AHCYL1: variants seen among roughly 807,000 people sequenced by gnomAD.
AHCYL1 encodes the protein adenosylhomocysteinase like 1.
A neutral mutation model predicts 79.3 loss-of-function variants in AHCYL1; 20 were observed. That is an observed-to-expected ratio of 0.25 (90% CI 0.18 to 0.37). The LOEUF (loss-of-function observed/expected upper bound fraction) is 0.37, where lower values mean the gene tolerates loss of function less well. Ranked by LOEUF, AHCYL1 falls within the 10% of genes least tolerant of loss-of-function variation. AHCYL1 has a pLI of 1.00. For missense variants in AHCYL1, 330 were observed against 673.6 expected (o/e 0.49, Z 5.65); for synonymous variants, 223 against 242.2 (o/e 0.92, Z 0.74).
chr1:110,004,820 C>T (rs548036020), intron 1 of AHCYL1, among the ~76,000 whole-genome samples: 1 of 151,952 alleles, frequency 6.6e-6, no homozygotes, highest in African/African-American at 2.4e-5. Flanking sequence ...CTCTTCCTTT[C>T]CTCTGAAAAA....
At chr1:109,991,648 G>A (rs1023614093) in intron 1 of AHCYL1, among the ~76,000 whole-genome samples, 3 of 152,140 alleles carry the variant, frequency 2.0e-5, no homozygotes, top group Non-Finnish European at 4.4e-5. Context: ...CGGAACCTGC[G>A]AGTGTACGAT....
intron 9 of AHCYL1, 85 bp downstream of exon 9, chr1:110,016,815 A>G: frequency 6.7e-7 from 1 of 1,497,948 alleles, no homozygotes. Context: ...GTCAATCTAG[A>G]GTCACTGATA....
intron 3 of AHCYL1, among the ~76,000 whole-genome samples, chr1:110,011,736 G>A (rs1651048601): frequency 6.6e-6 from 1 of 152,230 alleles, no homozygotes; most frequent in South Asian, 2.1e-4. Context: ...AGCTGATGAG[G>A]AAGGGTTTTA....
chr1:110,014,832 A>G lies in AHCYL1; in HGVS notation c.650A>G (p.Asn217Ser), dbSNP rs906725973. 2 of 1,614,102 alleles carry G rather than the reference A, an allele frequency of 1.2e-6. No individual in the cohort carries two copies. The highest frequency in any genetic ancestry group is 2.7e-5 in the African/African-American group (2 of 74,942). The change falls in exon 6 of 17, where the codon AAC becomes AGC. Residue 217 changes from asparagine to serine, a missense_variant. Around this residue, in one of 6 missense-constraint regions of AHCYL1, gnomAD observed 17 missense variants for 45.6 expected, o/e 0.37. Transcript: ENST00000369799. ...DFWWCIDRCV[N>S]MDGWQANMIL... ...TGGTGGTGTATTGACCGCTGTGTGA[A>G]CATGGATGGGTGGCAGGCCAACATG...
chr1:110,008,999 A>T (rs755548504), intron 1 of AHCYL1, 35 bp from the exon 2 acceptor site: 18 of 1,508,092 alleles, frequency 1.2e-5, no homozygotes, highest in Non-Finnish European at 1.4e-5. Flanking sequence ...GATTTTCCTT[A>T]TAAGTTTTCA....
At chr1:110,009,230 C>G in intron 2 of AHCYL1, 85 bp downstream of exon 2, 1 of 1,231,466 alleles carries the variant, frequency 8.1e-7, no homozygotes. Context: ...CTGAAAATAC[C>G]TCATGTTATG....
intron 1 of AHCYL1, among the ~76,000 whole-genome samples, chr1:109,989,419 G>C (rs1399907899): frequency 7.9e-5 from 12 of 152,072 alleles, no homozygotes; most frequent in Non-Finnish European, 1.3e-4. Context: ...GGAAATCCCT[G>C]TGTTGCCCAG....
At chr1:110,018,047 C>CAG (rs778854201) in intron 11 of AHCYL1, 31 bp downstream of exon 11, 1 of 1,610,852 alleles carries the variant, frequency 6.2e-7, no homozygotes, top group South Asian at 1.1e-5. Context: ...AGTGTTTATT[C>CAG]AGAGGCTAAA....
rs757425605 is a variant in AHCYL1, at chr1:109,985,156, C to A, written c.104C>A (p.Thr35Asn). The A allele has an allele frequency of 2.0e-5, 32 of 1,608,852 alleles. No homozygotes were observed. The highest frequency in any genetic ancestry group is 2.5e-5 in the Non-Finnish European group (30 of 1,178,044). Reference protein sequence around the residue: ...AEKYSFMATVTKAPKKQIQFA... With the variant: ...AEKYSFMATVNKAPKKQIQFA... ...AAGTACTCCTTCATGGCCACCGTCACCAAGGCGCCCAAGAAGGTGCGGGGG... is the reference window on the plus strand; with the variant it reads ...AAGTACTCCTTCATGGCCACCGTCAACAAGGCGCCCAAGAAGGTGCGGGGG... Residue 35 changes from threonine (T) to asparagine (N), a missense_variant, in exon 1 of 17, where the codon ACC (threonine) becomes AAC (asparagine). This residue lies in a region of AHCYL1 where 66 missense variants were observed against 68.0 expected (regional missense o/e 0.97). Transcript: ENST00000369799.
intron 1 of AHCYL1, among the ~76,000 whole-genome samples, chr1:109,988,807 CTA>C: frequency 6.6e-6 from 1 of 152,188 alleles, no homozygotes; most frequent in Admixed American, 6.5e-5. Flanking sequence ...TTGAATGAAG[CTA>C]TGTGCCACTA....
At chr1:110,019,487 A>AT in intron 14 of AHCYL1, 61 bp from the exon 15 acceptor site, 8 of 1,469,902 alleles carry the variant, frequency 5.4e-6, no homozygotes, top group Non-Finnish European at 7.5e-6. Context: ...ACCTGGTTTT[A>AT]TTTTTATGTG....
In AHCYL1 at chr1:110,016,328, C is replaced by T. The variant is rs1226699922; in HGVS notation, c.783-16C>T. ...ACTTGGTTTTTGTTTGTTTTTGTGACCTCTTCTCTCTTTAGGCTGTATCAG... is the reference window on the plus strand; with the variant it reads ...ACTTGGTTTTTGTTTGTTTTTGTGATCTCTTCTCTCTTTAGGCTGTATCAG... On this transcript the variant is annotated splice_polypyrimidine_tract_variant and intron_variant, in intron 7 of 16. Transcript: ENST00000369799. 2 of 1,581,828 alleles carry T rather than the reference C, an allele frequency of 1.3e-6. No individual in the cohort carries two copies. The highest frequency in any genetic ancestry group is 1.7e-6 in the Non-Finnish European group (2 of 1,165,306).
At chr1:110,020,156 A>G (rs1007303437) in intron 15 of AHCYL1, among the ~76,000 whole-genome samples, 9 of 152,142 alleles carry the variant, frequency 5.9e-5, no homozygotes, top group African/African-American at 2.2e-4. Flanking sequence ...ATGCTAAAAT[A>G]CTTCTTGCTC....
intron 1 of AHCYL1, chr1:110,003,886 C>T (rs1187565881): frequency 8.1e-6 from 8 of 982,630 alleles, no homozygotes; most frequent in Non-Finnish European, 9.7e-6. Context: ...TTGCAGGCCT[C>T]GATTACTCAT....
At chr1:110,019,144 A>G (rs1199381923) in intron 14 of AHCYL1, 25 bp downstream of exon 14, 1 of 1,606,420 alleles carries the variant, frequency 6.2e-7, no homozygotes, top group Non-Finnish European at 8.5e-7. Context: ...GCCTGCTTAC[A>G]CTGCACTGCA....
At chr1:109,985,703 T>G (rs568913130) in intron 1 of AHCYL1, among the ~76,000 whole-genome samples, 1 of 152,332 alleles carries the variant, frequency 6.6e-6, no homozygotes, top group East Asian at 1.9e-4. Flanking sequence ...ACTGAAAATC[T>G]ATGATTTTCA....
At chr1:110,017,415 C>T (rs1029049950) in intron 9 of AHCYL1, 80 bp from the exon 10 acceptor site, 104 of 1,333,414 alleles carry the variant, frequency 7.8e-5, no homozygotes, top group Non-Finnish European at 1.0e-4. Context: ...AGGTTAATTC[C>T]TGTCTCACAA....
At chr1:110,020,388 T>A (rs1463641524) in intron 15 of AHCYL1, among the ~76,000 whole-genome samples, 2 of 152,084 alleles carry the variant, frequency 1.3e-5, no homozygotes, top group African/African-American at 2.4e-5. Context: ...GTTAAGGAGG[T>A]TGCTGCAGGA....
rs765244326 is a variant in AHCYL1 at position 110,021,657 on chromosome 1, ACTCT to A, written c.1587-10_1587-7del. 6.2e-7 allele frequency: 1 copy of A among 1,610,758 alleles called. No homozygotes were observed. The highest frequency in any genetic ancestry group is 1.3e-5 in the African/African-American group (1 of 74,696). The stretch of plus-strand genomic sequence containing the variant: ...TGGAAGACATAAGTGTTAACCAATC[ACTCT>A]CTCTCTTTACAGATACTAATGGACC... On this transcript the variant is annotated splice_polypyrimidine_tract_variant and intron_variant, in intron 16 of 16. Transcript: ENST00000369799.
Sources: gnomAD v4.1 joint callset for allele counts (sites outside exome capture counted in the v4.1 genomes callset) on GRCh38, gnomAD v4.1.1 for gene constraint, gnomAD v4.1.1 regional missense constraint, MANE v1.5 for transcripts, NCBI Gene and HGNC (gene_info 2026-07-23, HGNC 2026-07-21) for gene names.